The following FYCO1 variants were observed in gnomAD, a reference collection of about 807,000 sequenced individuals.
FYCO1 encodes FYVE and coiled-coil domain-containing protein 1.
A neutral mutation model predicts 165.1 loss-of-function variants in FYCO1; 122 were observed. The ratio of observed to expected loss-of-function variants is 0.74; its 90% confidence interval spans 0.64 to 0.86. FYCO1 has a LOEUF of 0.86. Ranked by LOEUF, FYCO1 falls within the 40% of genes least tolerant of loss-of-function variation. The pLI, the probability that FYCO1 is intolerant of heterozygous loss-of-function variation, is 0.00. For missense variants in FYCO1, 1,702 were observed against 1,810.3 expected (o/e 0.94, Z 1.09); for synonymous variants, 648 against 742.5 (o/e 0.87, Z 2.07).
chr3:45,947,264 T>G, intron 14 of FYCO1: 2 of 1,614,162 alleles, frequency 1.2e-6, no homozygotes, highest in Non-Finnish European at 1.7e-6. Flanking sequence ...GGGAATACTA[T>G]GCCATGACCA....
rs186088845 is a variant in FYCO1, at chr3:45,983,457, G to A, written c.55+1399C>T. ...AGAATTCCCACCAAAGTGCTCTGTG[G>A]CCTATGTAAAGGACATTGAAATCAG... On this transcript the variant is annotated intron_variant, in intron 2 of 17. Coordinates refer to ENST00000296137, the MANE Select transcript of FYCO1 (RefSeq NM_024513.4). 3.3e-5 allele frequency among the ~76,000 whole-genome samples: 5 copies of A among 152,366 alleles called. No individual in the cohort carries two copies. In the East Asian group the frequency reaches 5.8e-4, roughly 18 times the overall value.
intron 13 of FYCO1, among the ~76,000 whole-genome samples, chr3:45,955,944 T>C (rs1705287737): frequency 6.6e-6 from 1 of 152,166 alleles, no homozygotes; most frequent in African/African-American, 2.4e-5. Flanking sequence ...AACCACTTAG[T>C]AGGAAGGCCA....
chr3:45,990,813 C>G (rs1359760611), intron 1 of FYCO1, among the ~76,000 whole-genome samples: 1 of 152,164 alleles, frequency 6.6e-6, no homozygotes, highest in Admixed American at 6.5e-5. Flanking sequence ...CGCTCTGTCG[C>G]CAGGCTGGAG....
chr3:45,976,273 A>G (rs1200958015), intron 4 of FYCO1, among the ~76,000 whole-genome samples: 1 of 152,174 alleles, frequency 6.6e-6, no homozygotes, highest in African/African-American at 2.4e-5. Context: ...TCACCACTCA[A>G]AAGCTTGTTG....
At chr3:45,924,731 G>A (rs1282829690) in intron 16 of FYCO1, among the ~76,000 whole-genome samples, 1 of 151,402 alleles carries the variant, frequency 6.6e-6, no homozygotes, top group Admixed American at 6.6e-5. Context: ...TCCTTTCTCA[G>A]TGTCCCGAGT....
Position 45,955,355 on chromosome 3 carries a change from A to G in FYCO1, c.3838T>C (p.Phe1280Leu), listed in dbSNP as rs577755272. 59 of 1,614,192 alleles carry G rather than the reference A, an allele frequency of 3.7e-5. 1 individual carries two copies. The South Asian group carries it at 6.1e-4, about 17-fold the overall frequency. Residue 1280 changes from phenylalanine to leucine, a missense_variant, in exon 14 of 18, where the codon TTT becomes CTT. Phe to Leu is a conservative substitution (Grantham distance 22). Coordinates refer to ENST00000296137, the MANE Select transcript of FYCO1 (RefSeq NM_024513.4). The stretch of plus-strand genomic sequence containing the variant: ...AATTCCTCATCTGTGATGATATCAA[A>G]CACAGCGTCGTCCGGTGGCCTGTAG... ...TDYRPPDDAV[F>L]DIITDEELCQ... is the part of the protein sequence containing the mutation.
intron 6 of FYCO1, among the ~76,000 whole-genome samples, chr3:45,971,674 G>A (rs1706453581): frequency 1.3e-5 from 2 of 152,094 alleles, no homozygotes; most frequent in African/African-American, 4.8e-5. Flanking sequence ...CAAAATAACT[G>A]GCCTGTATTT....
intron 15 of FYCO1, among the ~76,000 whole-genome samples, chr3:45,934,801 T>C (rs997228735): frequency 3.9e-5 from 6 of 152,262 alleles, no homozygotes; most frequent in African/African-American, 1.4e-4. Flanking sequence ...GTGAGTAGCA[T>C]GCAAGGGACA....
rs756843277 is a variant in FYCO1 at position 45,981,560 on chromosome 3, C to T, written c.162+10G>A. Reference sequence around the variant, plus strand: ...AGTGCAAAAATCAACACATTACAGGCATCACTTACTTGCAGGAGATACTCA... The same window carrying T: ...AGTGCAAAAATCAACACATTACAGGTATCACTTACTTGCAGGAGATACTCA... On this transcript the variant is annotated intron_variant, in intron 3 of 17. Transcript: ENST00000296137. The T allele has an allele frequency of 6.7e-7, 1 of 1,500,114 alleles. No homozygotes were observed. Among genetic ancestry groups the T allele is most frequent in the Non-Finnish European group, 9.3e-7 (1 of 1,075,846 alleles). The allele number at this position is 1,500,114 out of a possible 1,614,324, so 92.9% of individuals were successfully genotyped here. A position where few individuals can be genotyped will look rare whatever the true frequency, so the allele number is the denominator to read the frequency against.
chr3:45,991,545 T>G (rs1189921383), intron 1 of FYCO1, among the ~76,000 whole-genome samples: 1 of 152,216 alleles, frequency 6.6e-6, no homozygotes, highest in Non-Finnish European at 1.5e-5. Context: ...TTGAATGCTC[T>G]GCTCCCTCTG....
At chr3:45,930,920 C>G in intron 16 of FYCO1, 151 bp downstream of exon 16, 1 of 757,048 alleles carries the variant, frequency 1.3e-6, no homozygotes, top group Admixed American at 2.1e-5. Flanking sequence ...GGCCCAGGTG[C>G]TCTGCCTTCT....
At chr3:45,983,144 A>C (rs1314139326) in intron 2 of FYCO1, among the ~76,000 whole-genome samples, 3 of 152,266 alleles carry the variant, frequency 2.0e-5, no homozygotes, top group Non-Finnish European at 2.9e-5. Context: ...TGGCACATGA[A>C]GGAAGCAACT....
intron 16 of FYCO1, among the ~76,000 whole-genome samples, chr3:45,925,926 C>T (rs182145669): frequency 2.0e-5 from 3 of 152,244 alleles, no homozygotes; most frequent in Admixed American, 2.0e-4. Context: ...AAGATTTACC[C>T]TCCCAGGACA....
chr3:45,936,718 C>T (rs1171241600), intron 14 of FYCO1, among the ~76,000 whole-genome samples, 175 bp from the exon 15 acceptor site: 1 of 152,116 alleles, frequency 6.6e-6, no homozygotes, highest in African/African-American at 2.4e-5. Context: ...GGGAGGGCTG[C>T]AGGGGCCAGG....
Position 45,993,112 on chromosome 3 carries a change from A to T in FYCO1, c.-113+2610T>A, listed in dbSNP as rs1447551023. 2.6e-5 allele frequency among the ~76,000 whole-genome samples: 4 copies of T among 152,164 alleles called. No homozygotes were observed. The highest frequency in any genetic ancestry group is 7.2e-5 in the African/African-American group (3 of 41,414). ...TATACCCAAACCACAGATTCTCCTT[A>T]AGTCTTTCATCAGAACCACACTGAT... is the stretch of plus-strand genomic sequence containing the variant. On this transcript the variant is annotated intron_variant, in intron 1 of 17. Coordinates refer to ENST00000296137, the MANE Select transcript of FYCO1 (RefSeq NM_024513.4). The surrounding 1 kb of genome is among the most constrained non-coding windows in gnomAD (Gnocchi z 4.4).
At chr3:45,939,556 A>G (rs1419957558) in intron 14 of FYCO1, among the ~76,000 whole-genome samples, 1 of 152,216 alleles carries the variant, frequency 6.6e-6, no homozygotes, top group Non-Finnish European at 1.5e-5. Context: ...CCTGCAGTAC[A>G]GATCTGCTTG....
chr3:45,921,739 G>A lies in FYCO1; in HGVS notation c.*26C>T. 1 of 1,460,280 alleles carries A rather than the reference G, an allele frequency of 6.8e-7. No homozygotes were observed. Among genetic ancestry groups the A allele is most frequent in the Non-Finnish European group, 9.6e-7 (1 of 1,039,328 alleles). The allele number at this position is 1,460,280 out of a possible 1,614,324, so 90.5% of individuals were successfully genotyped here. On this transcript the variant is annotated 3_prime_UTR_variant, in exon 18 of 18. Coordinates refer to ENST00000296137, the MANE Select transcript of FYCO1 (RefSeq NM_024513.4). ...AGGAAGAGCAGTGTTTCCTGTGGAT[G>A]AAGTGAAGTTACTGAGGTGCTGAAG...
intron 14 of FYCO1, chr3:45,943,627 GT>G (rs1704380722): frequency 6.6e-6 from 1 of 152,208 alleles, no homozygotes; most frequent in Non-Finnish European, 1.5e-5. Context: ...ATTCCTGTCT[GT>G]AGTAGGGTAC....
chr3:45,953,087 A>G (rs917520123), intron 14 of FYCO1, among the ~76,000 whole-genome samples: 1 of 152,226 alleles, frequency 6.6e-6, no homozygotes, highest in South Asian at 2.1e-4. Context: ...CTATAACATG[A>G]TAAGTTCAGT....
Sources: gnomAD v4.1 joint callset for allele counts (sites outside exome capture counted in the v4.1 genomes callset) on GRCh38, gnomAD v4.1.1 for gene constraint, Gnocchi (gnomAD v3.1) non-coding constraint, MANE v1.5 for transcripts, NCBI Gene and HGNC (gene_info 2026-07-23, HGNC 2026-07-21) for gene names.